CFAP20DC: variants seen among roughly 807,000 people sequenced by gnomAD.
The protein encoded by CFAP20DC is CFAP20 domain containing, also known as protein CFAP20DC.
In CFAP20DC, 84 loss-of-function variants were observed where a neutral mutation model predicts 101.7. The ratio of observed to expected loss-of-function variants is 0.83; its 90% CI spans 0.69 to 0.99. CFAP20DC has a LOEUF of 0.99. Ranked by LOEUF, CFAP20DC falls within the 50% of genes least tolerant of loss-of-function variation. The pLI is 0.00. For synonymous variants in CFAP20DC, 359 were observed against 351.2 expected (o/e 1.02, Z -0.25); for missense variants, 1,007 against 970.3 (o/e 1.04, Z -0.50).
rs1331217725 is a variant in CFAP20DC at position 58,724,819 on chromosome 3, T to C, written c.198-7191A>G. Among the ~76,000 whole-genome samples the C allele has an allele frequency of 1.3e-5, 2 of 151,936 alleles. No homozygotes were observed. The highest frequency in any genetic ancestry group is 1.5e-5 in the Non-Finnish European group (1 of 67,982). The stretch of plus-strand genomic sequence containing the variant: ...CTTCGGGTACCCTACGGGTGGGTGG[T>C]GTTGAGGCTGGTCCCCAACACAGCA... On this transcript the variant is annotated intron_variant, in intron 3 of 3. Transcript: ENST00000486145. This position sits in a 1 kb window ranked among gnomAD's most constrained non-coding sequence, Gnocchi z 5.6.
chr3:58,933,190 G>A (rs925337599), intron 5 of CFAP20DC, among the ~76,000 whole-genome samples: 4 of 151,922 alleles, frequency 2.6e-5, no homozygotes, highest in African/African-American at 7.3e-5. Context: ...ATTACATAAT[G>A]GTAAAGGGAT....
chr3:58,962,997 T>C (rs1347967225), intron 4 of CFAP20DC, among the ~76,000 whole-genome samples: 3 of 151,748 alleles, frequency 2.0e-5, no homozygotes, highest in East Asian at 1.9e-4. Context: ...ACCACCAACA[T>C]TGCTAAGGTT....
chr3:58,742,336 T>C lies in CFAP20DC; in HGVS notation c.*124A>G, dbSNP rs1307261734. 8.6e-6 allele frequency: 11 copies of C among 1,280,908 alleles called. No individual in the cohort carries two copies. The highest frequency in any genetic ancestry group is 3.0e-5 in the East Asian group (1 of 32,862). 79.3% of individuals were successfully genotyped at this position (1,280,908 alleles called of 1,614,324 possible). ...GAACATTATTTACAAAATGAATTCG[T>C]TTCTCTCAGTTACTGTTGATTTTGT... On this transcript the variant is annotated 3_prime_UTR_variant, in exon 17 of 17. Transcript: ENST00000482387.
chr3:58,869,488 T>C lies in CFAP20DC; in HGVS notation c.855A>G (p.Thr285=). 6.2e-7 allele frequency: 1 copy of C among 1,607,058 alleles called. No homozygotes were observed. Among genetic ancestry groups the C allele is most frequent in the Non-Finnish European group, 8.5e-7 (1 of 1,176,966 alleles). Residue 285 remains threonine (T), a splice_region_variant and synonymous_variant, in exon 9 of 17, where the codon ACA becomes ACG. Transcript: ENST00000482387. This position sits in a 1 kb window ranked among gnomAD's most constrained non-coding sequence, Gnocchi z 4.3. ...RRNNMKISSE[T]VRSVGSKNNR... is the part of the protein sequence containing the mutation. ...TATTTTTGGACCCAACGGATCTCACTGTCTGTAAAGGAATTAATCTGTACA... is the reference window on the plus strand; with the variant it reads ...TATTTTTGGACCCAACGGATCTCACCGTCTGTAAAGGAATTAATCTGTACA...
rs546402969 is a variant in CFAP20DC at position 58,826,877 on chromosome 3, G to T, written c.2175+4809C>A. On this transcript the variant is annotated intron_variant, in intron 14 of 16. Coordinates refer to ENST00000482387, the MANE Select transcript of CFAP20DC (RefSeq NM_001394063.1). ...AGATAACAGGGACCCAGAGAGGGAA[G>T]CGAATAATTCTGTTCAGGGTGGGAT... 3.3e-5 allele frequency among the ~76,000 whole-genome samples: 5 copies of T among 152,282 alleles called. No homozygotes were observed. In the South Asian group the frequency reaches 1.0e-3, roughly 32 times the overall value.
intron 3 of CFAP20DC, among the ~76,000 whole-genome samples, chr3:58,720,961 C>CT (rs2067464807): frequency 6.6e-6 from 1 of 152,142 alleles, no homozygotes; most frequent in African/African-American, 2.4e-5. Flanking sequence ...GGATGCGGCA[C>CT]TTGGGGAGGG....
intron 4 of CFAP20DC, among the ~76,000 whole-genome samples, chr3:58,942,407 T>C (rs896312297): frequency 1.3e-5 from 2 of 152,070 alleles, no homozygotes; most frequent in African/African-American, 2.4e-5. Context: ...TAGACAGTGG[T>C]TGCAGTCCAT....
At chr3:58,749,650 G>A (rs1462830003) in intron 16 of CFAP20DC, among the ~76,000 whole-genome samples, 2 of 152,142 alleles carry the variant, frequency 1.3e-5, no homozygotes, top group Admixed American at 1.3e-4. Flanking sequence ...CCTTCTGAAT[G>A]CCTTTCTTAC....
intron 15 of CFAP20DC, among the ~76,000 whole-genome samples, chr3:58,767,631 C>A (rs1268435243): frequency 6.6e-6 from 1 of 152,180 alleles, no homozygotes; most frequent in Non-Finnish European, 1.5e-5. Flanking sequence ...TAGCTTCAAG[C>A]GATTCTCCCA....
intron 12 of CFAP20DC, among the ~76,000 whole-genome samples, chr3:58,852,787 GAGAACAA>G (rs2078374239): frequency 1.3e-5 from 2 of 151,196 alleles, no homozygotes; most frequent in Non-Finnish European, 2.9e-5. Flanking sequence ...TGAAACCAAC[GAGAACAA>G]AGACACAACA....
intron 5 of CFAP20DC, among the ~76,000 whole-genome samples, chr3:58,936,162 C>T (rs1409716284): frequency 6.6e-6 from 1 of 152,096 alleles, no homozygotes; most frequent in African/African-American, 2.4e-5. Flanking sequence ...AGCCAAAACA[C>T]ACATGAAAAA....
At chr3:58,878,586 C>T (rs2108601564) in intron 7 of CFAP20DC, among the ~76,000 whole-genome samples, 1 of 152,058 alleles carries the variant, frequency 6.6e-6, no homozygotes, top group South Asian at 2.1e-4. Context: ...TATTTACAAG[C>T]CGTGGTAGAT....
chr3:58,744,936 T>G (rs958674844), intron 16 of CFAP20DC, among the ~76,000 whole-genome samples: 1 of 152,146 alleles, frequency 6.6e-6, no homozygotes, highest in African/African-American at 2.4e-5. Context: ...CTGTAGTGCT[T>G]TTGATGAGCT....
chr3:58,720,019 A>ACCATG (rs2067449210), intron 3 of CFAP20DC, among the ~76,000 whole-genome samples: 1 of 152,152 alleles, frequency 6.6e-6, no homozygotes, highest in Admixed American at 6.5e-5. Context: ...GCTTTTTCTG[A>ACCATG]CCATGCCATC....
intron 4 of CFAP20DC, among the ~76,000 whole-genome samples, chr3:58,941,719 C>T (rs897972158): frequency 5.3e-5 from 8 of 152,120 alleles, no homozygotes; most frequent in Non-Finnish European, 1.2e-4. Context: ...CAGGCGCCCG[C>T]CACTGCCCTC....
At chr3:58,773,638 C>T (rs1406130765) in intron 15 of CFAP20DC, among the ~76,000 whole-genome samples, 1 of 152,028 alleles carries the variant, frequency 6.6e-6, no homozygotes, top group Non-Finnish European at 1.5e-5. Flanking sequence ...GCTCATGTTC[C>T]TGGAAATTGT....
At position 59,007,311 on chromosome 3, in the gene CFAP20DC, C is replaced by T. The variant is rs1307823300; in HGVS notation, c.278+32246G>A. On this transcript the variant is annotated intron_variant, in intron 4 of 16. Coordinates refer to ENST00000482387, the MANE Select transcript of CFAP20DC (RefSeq NM_001394063.1). This position sits in a 1 kb window ranked among gnomAD's most constrained non-coding sequence, Gnocchi z 4.4. ...CTCTTGGGAGCTTTGTGGCTCTGCC[C>T]ATCACCTAAGAAACCAGAATACTTC... 1.1e-4 allele frequency among the ~76,000 whole-genome samples: 17 copies of T among 152,150 alleles called. No homozygotes were observed.
At chr3:58,776,416 G>A (rs141964079) in intron 15 of CFAP20DC, among the ~76,000 whole-genome samples, 253 of 152,102 alleles carry the variant, frequency 1.7e-3, no homozygotes, top group Non-Finnish European at 2.3e-3. Context: ...TGAAGACAAC[G>A]TGAGACCCTT....
intron 15 of CFAP20DC, among the ~76,000 whole-genome samples, chr3:58,777,613 C>A (rs139824124): frequency 6.6e-6 from 1 of 152,168 alleles, no homozygotes; most frequent in African/African-American, 2.4e-5. Flanking sequence ...GATGAAGTTA[C>A]GATATTTCTC....
Sources: allele counts gnomAD v4.1 joint callset (sites outside exome capture counted in the v4.1 genomes callset), GRCh38; gene constraint gnomAD v4.1.1; non-coding constraint Gnocchi (gnomAD v3.1); transcripts MANE v1.5; gene names NCBI Gene and HGNC (gene_info 2026-07-23, HGNC 2026-07-21).